Variants in SYN3 observed in about 807,000 individuals in gnomAD.
The protein encoded by SYN3 is synapsin III, also known as synapsin-3.
SYN3 carries 35 observed loss-of-function variants against 65.8 expected under a neutral mutation model. The observed-to-expected ratio is 0.53, with a 90% confidence interval of 0.41 to 0.70. The LOEUF (loss-of-function observed/expected upper bound fraction) is 0.70. Among genes scored for constraint, SYN3 ranks in the 30% least tolerant of loss-of-function variants. The probability of loss-of-function intolerance (pLI) is 0.00; values close to 1 mark genes in which losing one functional copy is unlikely to be tolerated. For missense variants in SYN3, 680 were observed against 749.0 expected, an observed-to-expected ratio of 0.91 and a Z score of 1.08; for synonymous variants, 270 against 292.9, an observed-to-expected ratio of 0.92 and a Z score of 0.80.
chr22:32,650,258 C>T (rs7290330), intron 6 of SYN3, among the ~76,000 whole-genome samples: 1,988 of 86,238 alleles, frequency 0.023, 150 homozygotes, highest in African/African-American at 0.08. Context: ...TCCCTCCCTC[C>T]CTCTCTCTCT....
intron 6 of SYN3, among the ~76,000 whole-genome samples, chr22:32,682,736 A>G (rs538013225): frequency 7.8e-6 from 1 of 127,974 alleles, no homozygotes; most frequent in South Asian, 2.9e-4. Context: ...TTGACGAATC[A>G]GTATTTATTC....
At chr22:32,912,438 G>T (rs968981210) in intron 4 of SYN3, among the ~76,000 whole-genome samples, 1 of 152,108 alleles carries the variant, frequency 6.6e-6, no homozygotes, top group African/African-American at 2.4e-5. Context: ...ACTCTTGGCT[G>T]GGCACGGTGG....
At chr22:32,774,576 C>T (rs1393402387) in intron 6 of SYN3, among the ~76,000 whole-genome samples, 2 of 150,284 alleles carry the variant, frequency 1.3e-5, no homozygotes, top group African/African-American at 4.9e-5. Flanking sequence ...CTCACCCTCT[C>T]CTCTGTTTTA....
chr22:32,624,761 C>G (rs1410935029), intron 6 of SYN3, among the ~76,000 whole-genome samples: 1 of 152,220 alleles, frequency 6.6e-6, no homozygotes, highest in Non-Finnish European at 1.5e-5. Flanking sequence ...AACAGGAATT[C>G]TCTCCTGCCA....
intron 6 of SYN3, among the ~76,000 whole-genome samples, chr22:32,725,267 C>G (rs1438454951): frequency 1.3e-5 from 2 of 152,130 alleles, no homozygotes. Flanking sequence ...AAAGCATGCC[C>G]TGGTTTCCTG....
chr22:32,699,958 T>G (rs1312339350), intron 6 of SYN3, among the ~76,000 whole-genome samples: 1 of 152,164 alleles, frequency 6.6e-6, no homozygotes, highest in African/African-American at 2.4e-5. Context: ...CTTCTTAGTT[T>G]TAGATGGGGG....
intron 6 of SYN3, among the ~76,000 whole-genome samples, chr22:32,636,093 C>G (rs377282950): frequency 6.6e-6 from 1 of 152,124 alleles, no homozygotes; most frequent in East Asian, 1.9e-4. Flanking sequence ...AGAACCCTGA[C>G]AAGGACTGTT....
chr22:32,829,156 C>T (rs1458800403), intron 6 of SYN3, among the ~76,000 whole-genome samples: 1 of 152,174 alleles, frequency 6.6e-6, no homozygotes, highest in Non-Finnish European at 1.5e-5. Context: ...CTCGGCACTT[C>T]TTAGCAGCTC....
Position 33,058,333 on chromosome 22 carries a change from C to A in SYN3, c.-204G>T, listed in dbSNP as rs1471344150. 6.7e-6 allele frequency: 1 copy of A among 149,402 alleles called. No homozygotes were observed. Among genetic ancestry groups the A allele is most frequent in the Non-Finnish European group, 1.5e-5 (1 of 67,212 alleles). The allele number at this position is 149,402 out of a possible 1,614,324, so 9.3% of individuals were successfully genotyped here. A position where few individuals can be genotyped will look rare whatever the true frequency, so the allele number is the denominator to read the frequency against. ...AACTCGGCGCCCGGTGGTGCCTCGG[C>A]GCGGCGCCCGCCAGTCGATCCGCTC... On this transcript the variant is annotated 5_prime_UTR_variant, in exon 1 of 14. Coordinates refer to ENST00000358763, the MANE Select transcript of SYN3 (RefSeq NM_003490.4).
chr22:32,522,649 A>G (rs1427351705), intron 12 of SYN3, among the ~76,000 whole-genome samples: 4 of 152,218 alleles, frequency 2.6e-5, no homozygotes, highest in African/African-American at 9.7e-5. Context: ...ATTAATAGTA[A>G]GCATTATGTC....
chr22:32,771,950 T>C (rs138312479), intron 6 of SYN3, among the ~76,000 whole-genome samples: 2 of 152,122 alleles, frequency 1.3e-5, no homozygotes, highest in African/African-American at 4.8e-5. Flanking sequence ...GCAGGTTTGT[T>C]TGAGGGTTGG....
At chr22:32,689,400 C>A (rs1485798105) in intron 6 of SYN3, among the ~76,000 whole-genome samples, 2 of 152,180 alleles carry the variant, frequency 1.3e-5, no homozygotes, top group African/African-American at 4.8e-5. Context: ...CAGGGACTCC[C>A]GTGTCACGGG....
rs572392960 is a variant in SYN3 at position 32,534,563 on chromosome 22, C to T, written c.993-668G>A. ...CAAGGCCAGTTTGCTTTGCTGGGGA[C>T]AGATCTCAGCACTGGACTCTGACCC... On this transcript the variant is annotated intron_variant, in intron 9 of 13. Transcript: ENST00000358763. Among the ~76,000 whole-genome samples, 4 of 152,312 alleles carry T rather than the reference C, an allele frequency of 2.6e-5. No homozygotes were observed. The South Asian group carries it at 8.3e-4, about 32-fold the overall frequency.
chr22:32,527,816 G>T, intron 12 of SYN3, 102 bp downstream of exon 12: 1 of 969,506 alleles, frequency 1.0e-6, no homozygotes, highest in Non-Finnish European at 1.6e-6. Flanking sequence ...GTATTCAGGT[G>T]CATTTTCCCA....
intron 6 of SYN3, among the ~76,000 whole-genome samples, chr22:32,611,363 G>A (rs951551137): frequency 8.4e-5 from 12 of 142,352 alleles, no homozygotes; most frequent in Non-Finnish European, 1.3e-4. Flanking sequence ...GCACCATCTC[G>A]GCTCACTGCA....
rs1477875081 is a variant in SYN3 at position 32,620,869 on chromosome 22, G to A, written c.712-24133C>T. ...CGAGTAGCTGGGACTACAGGCACGC[G>A]CCACCAAGTCCAGCTAAGTTTTGTA... On this transcript the variant is annotated intron_variant, in intron 6 of 13. Coordinates refer to ENST00000358763, the MANE Select transcript of SYN3 (RefSeq NM_003490.4). 1.4e-4 allele frequency among the ~76,000 whole-genome samples: 22 copies of A among 152,104 alleles called. 1 individual carries two copies. The highest frequency in any genetic ancestry group is 4.2e-4 in the South Asian group (2 of 4,792).
intron 3 of SYN3, among the ~76,000 whole-genome samples, chr22:32,933,538 C>T (rs371142593): frequency 2.0e-5 from 3 of 152,206 alleles, no homozygotes; most frequent in African/African-American, 4.8e-5. Flanking sequence ...AAGCAATTCT[C>T]CTGCCTCAGC....
chr22:32,770,550 C>T (rs2045742085), intron 6 of SYN3, among the ~76,000 whole-genome samples: 2 of 152,162 alleles, frequency 1.3e-5, no homozygotes, highest in South Asian at 2.1e-4. Flanking sequence ...ACTTGATGTT[C>T]CCTTGTTCTA....
intron 3 of SYN3, among the ~76,000 whole-genome samples, chr22:32,976,593 T>A (rs1047358072): frequency 1.3e-5 from 2 of 152,134 alleles, no homozygotes; most frequent in African/African-American, 4.8e-5. Context: ...AGAGGAGAGT[T>A]TGACATGCCA....
Sources: gnomAD v4.1 joint callset for allele counts (sites outside exome capture counted in the v4.1 genomes callset) on GRCh38, gnomAD v4.1.1 for gene constraint, MANE v1.5 for transcripts, NCBI Gene and HGNC (gene_info 2026-07-23, HGNC 2026-07-21) for gene names.